Variants in SNCB observed in about 807,000 individuals in gnomAD.
The protein encoded by SNCB is synuclein beta.
In SNCB, 8 loss-of-function variants were observed where a neutral mutation model predicts 20.0. The ratio of observed to expected loss-of-function variants is 0.40; its 90% confidence interval spans 0.24 to 0.72. The LOEUF is 0.72. SNCB is among the 30% of genes least tolerant of loss of function. The pLI is 0.37. For synonymous variants in SNCB, 56 were observed against 65.4 expected (o/e 0.86, Z 0.69); for missense variants, 125 against 168.0 (o/e 0.74, Z 1.41).
chr5:176,628,214 G>A (rs76507535), intron 2 of SNCB, among the ~76,000 whole-genome samples: 2,367 of 152,272 alleles, frequency 0.016, 31 homozygotes, highest in Non-Finnish European at 0.023. Flanking sequence ...GGGAAGAGCA[G>A]CATGGCTTGG....
rs1311087589 is a variant in SNCB, at chr5:176,620,923, C to A, written c.373-80G>T. The A allele has an allele frequency of 1.6e-6, 2 of 1,235,564 alleles. No individual in the cohort carries two copies. The highest frequency in any genetic ancestry group is 2.4e-6 in the Non-Finnish European group (2 of 835,220). The allele number at this position is 1,235,564 out of a possible 1,614,324, so 76.5% of individuals were successfully genotyped here. On this transcript the variant is annotated intron_variant, in intron 5 of 5. Coordinates refer to ENST00000393693, the MANE Select transcript of SNCB (RefSeq NM_003085.5). The surrounding 1 kb of genome is among the most constrained non-coding windows in gnomAD (Gnocchi z 4.5). ...GAGACCAAGTGGCCAAGCCCCGGCC[C>A]AAGAACCCTCTCCCTGAAGGAGGAA...
intron 4 of SNCB, among the ~76,000 whole-genome samples, chr5:176,622,755 T>G (rs1213868917): frequency 2.4e-5 from 3 of 126,636 alleles, no homozygotes; most frequent in Admixed American, 7.8e-5. Flanking sequence ...TTTTTTTTTT[T>G]TGAGACAGTC....
In SNCB at chr5:176,626,989, C is replaced by T. The variant is rs1369677199; in HGVS notation, c.122-228G>A. Among the ~76,000 whole-genome samples the T allele has an allele frequency of 6.6e-6, 1 of 152,210 alleles. No individual in the cohort carries two copies. Among genetic ancestry groups the T allele is most frequent in the African/African-American group, 2.4e-5 (1 of 41,444 alleles). On this transcript the variant is annotated intron_variant, in intron 2 of 5. Transcript: ENST00000393693. The surrounding 1 kb of genome is among the most constrained non-coding windows in gnomAD (Gnocchi z 4.2). ...CTCTCCCACCTGATGCGATACCCCA[C>T]CCCTCTAGTGGATGTTGGCTGAGGG... is the stretch of plus-strand genomic sequence containing the variant.
At position 176,621,523 on chromosome 5, in the gene SNCB, G is replaced by C. The variant is rs924583150; in HGVS notation, c.283-220C>G. Among the ~76,000 whole-genome samples the C allele has an allele frequency of 6.6e-6, 1 of 152,196 alleles. No individual in the cohort carries two copies. Among genetic ancestry groups the C allele is most frequent in the Non-Finnish European group, 1.5e-5 (1 of 68,026 alleles). On this transcript the variant is annotated intron_variant, in intron 4 of 5. Coordinates refer to ENST00000393693, the MANE Select transcript of SNCB (RefSeq NM_003085.5). This position sits in a 1 kb window ranked among gnomAD's most constrained non-coding sequence, Gnocchi z 4.1. ...ACAGTTGAAGTGGCAGCATGGAGTG[G>C]GAGCTGGCTCTCCACGCCGCTCCCC...
At chr5:176,630,248 C>T (rs939924256) in intron 1 of SNCB, 32 bp downstream of exon 1, 1 of 152,334 alleles carries the variant, frequency 6.6e-6, no homozygotes, top group Non-Finnish European at 1.5e-5. Flanking sequence ...ATCCTCATCC[C>T]GTTCCCCATC....
chr5:176,629,496 C>G lies in SNCB; in HGVS notation c.121+38G>C. On this transcript the variant is annotated intron_variant, in intron 2 of 5. Transcript: ENST00000393693. This position sits in a 1 kb window ranked among gnomAD's most constrained non-coding sequence, Gnocchi z 4.1. ...CCAGCTCCACACTGTCGGGGGACCC[C>G]CAGCCCTGCAGCCCCAGAAACCCCG... 1.2e-6 allele frequency: 2 copies of G among 1,607,710 alleles called. No individual in the cohort carries two copies. Among genetic ancestry groups the G allele is most frequent in the South Asian group, 1.1e-5 (1 of 90,308 alleles).
At chr5:176,625,967 C>T (rs115699605) in intron 4 of SNCB, among the ~76,000 whole-genome samples, 3 of 152,162 alleles carry the variant, frequency 2.0e-5, no homozygotes, top group Non-Finnish European at 2.9e-5. Context: ...TGCTGGCTTG[C>T]GTTTTACTAT....
chr5:176,626,615 A>G lies in SNCB; in HGVS notation c.164-99T>C, dbSNP rs749698796. 67 of 1,522,532 alleles carry G rather than the reference A, an allele frequency of 4.4e-5. No homozygotes were observed. The highest frequency in any genetic ancestry group is 1.2e-4 in the Admixed American group (7 of 59,842). 94.3% of individuals were successfully genotyped at this position (1,522,532 alleles called of 1,614,324 possible). ...CCAGGGCCTGCCCTCCCCACGGAGCATTCCCGCAGAAGCCTTGGGAGTCTC... is the reference window on the plus strand; with the variant it reads ...CCAGGGCCTGCCCTCCCCACGGAGCGTTCCCGCAGAAGCCTTGGGAGTCTC... On this transcript the variant is annotated intron_variant, in intron 3 of 5. Transcript: ENST00000393693. The surrounding 1 kb of genome is among the most constrained non-coding windows in gnomAD (Gnocchi z 4.2).
intron 2 of SNCB, among the ~76,000 whole-genome samples, chr5:176,627,240 T>C (rs912142001): frequency 4.0e-5 from 6 of 151,268 alleles, no homozygotes; most frequent in Admixed American, 3.9e-4. Flanking sequence ...CAGGTGGGGG[T>C]GGGAGTAGGG....
At position 176,621,853 on chromosome 5, in the gene SNCB, TC is replaced by T. The variant is rs1376032315; in HGVS notation, c.283-551del. Among the ~76,000 whole-genome samples the T allele has an allele frequency of 2.6e-5, 4 of 151,960 alleles. No homozygotes were observed. Among genetic ancestry groups the T allele is most frequent in the East Asian group, 1.9e-4 (1 of 5,156 alleles). ...TGCTTGGATGTGTGAGCTAAGACTC[TC>T]CCCCCCACCCGCTGCGTCTGCTGCC... is the stretch of plus-strand genomic sequence containing the variant. On this transcript the variant is annotated intron_variant, in intron 4 of 5. Transcript: ENST00000393693. This position sits in a 1 kb window ranked among gnomAD's most constrained non-coding sequence, Gnocchi z 4.1.
chr5:176,630,122 C>A (rs2113425454), intron 1 of SNCB, 158 bp downstream of exon 1: 1 of 157,142 alleles, frequency 6.4e-6, no homozygotes, highest in South Asian at 1.9e-4. Flanking sequence ...CGGGCAGCTG[C>A]AAACACCGGA....
intron 4 of SNCB, among the ~76,000 whole-genome samples, chr5:176,622,224 C>G (rs2113378647): frequency 6.6e-6 from 1 of 152,346 alleles, no homozygotes; most frequent in Admixed American, 6.5e-5. Context: ...CTCATTTCCC[C>G]ACTGCACAGA....
chr5:176,623,935 C>G (rs575145784), intron 4 of SNCB, among the ~76,000 whole-genome samples: 4 of 152,164 alleles, frequency 2.6e-5, no homozygotes, highest in African/African-American at 9.7e-5. Context: ...GCATGGGAAA[C>G]GAGGCTGGTG....
chr5:176,621,361 A>C lies in SNCB; in HGVS notation c.283-58T>G. The C allele has an allele frequency of 4.5e-5, 62 of 1,390,966 alleles. No homozygotes were observed. The highest frequency in any genetic ancestry group is 5.8e-5 in the Non-Finnish European group (57 of 989,826). The allele number at this position is 1,390,966 out of a possible 1,614,324, so 86.2% of individuals were successfully genotyped here. A position where few individuals can be genotyped will look rare whatever the true frequency, so the allele number is the denominator to read the frequency against. ...CAGCCAGGATGCCCCCCAAATTCCCACAGTGGTAAGCTTTGGGTGGGTTGG... is the reference window on the plus strand; with the variant it reads ...CAGCCAGGATGCCCCCCAAATTCCCCCAGTGGTAAGCTTTGGGTGGGTTGG... On this transcript the variant is annotated intron_variant, in intron 4 of 5. Coordinates refer to ENST00000393693, the MANE Select transcript of SNCB (RefSeq NM_003085.5). This position sits in a 1 kb window ranked among gnomAD's most constrained non-coding sequence, Gnocchi z 4.1.
At chr5:176,622,489 C>CAACGA (rs1759661707) in intron 4 of SNCB, among the ~76,000 whole-genome samples, 1 of 149,466 alleles carries the variant, frequency 6.7e-6, no homozygotes, top group Admixed American at 6.7e-5. Flanking sequence ...GACTCCATCT[C>CAACGA]AACAAAACAA....
In SNCB at chr5:176,626,003, A is replaced by G. The variant is rs1319783778; in HGVS notation, c.282+395T>C. On this transcript the variant is annotated intron_variant, in intron 4 of 5. Coordinates refer to ENST00000393693, the MANE Select transcript of SNCB (RefSeq NM_003085.5). This position sits in a 1 kb window ranked among gnomAD's most constrained non-coding sequence, Gnocchi z 4.2. ...CTTCTCCCACTACAATGTCAGCTGC[A>G]GGAACGTAGGAACCTATTCACTGCG... 6.6e-6 allele frequency among the ~76,000 whole-genome samples: 1 copy of G among 152,224 alleles called. No homozygotes were observed. The highest frequency in any genetic ancestry group is 1.5e-5 in the Non-Finnish European group (1 of 68,036).
In SNCB at chr5:176,626,297, AG is replaced by A. The variant is rs1759936555; in HGVS notation, c.282+100del. 9 of 891,310 alleles carry A rather than the reference AG, an allele frequency of 1.0e-5. No individual in the cohort carries two copies. Among genetic ancestry groups the A allele is most frequent in the African/African-American group, 9.9e-5 (6 of 60,832 alleles). The allele number at this position is 891,310 out of a possible 1,614,324, so 55.2% of individuals were successfully genotyped here. A position where few individuals can be genotyped will look rare whatever the true frequency, so the allele number is the denominator to read the frequency against. ...TGTGTTCCAAGCTGGTGGCAGGATT[AG>A]GGGGGCGGGGATGGTGACAGGTTTA... On this transcript the variant is annotated intron_variant, in intron 4 of 5. Transcript: ENST00000393693. The surrounding 1 kb of genome is among the most constrained non-coding windows in gnomAD (Gnocchi z 4.2).
Position 176,629,925 on chromosome 5 carries a change from G to A in SNCB, c.-9-262C>T, listed in dbSNP as rs1760260787. 1 of 437,406 alleles carries A rather than the reference G, an allele frequency of 2.3e-6. No individual in the cohort carries two copies. The highest frequency in any genetic ancestry group is 2.0e-5 in the African/African-American group (1 of 50,110). 27.1% of individuals were successfully genotyped at this position (437,406 alleles called of 1,614,324 possible). A position where few individuals can be genotyped will look rare whatever the true frequency, so the allele number is the denominator to read the frequency against. On this transcript the variant is annotated intron_variant, in intron 1 of 5. Transcript: ENST00000393693. The surrounding 1 kb of genome is among the most constrained non-coding windows in gnomAD (Gnocchi z 4.1). ...GGGCCCTGCAAACTGCAGCCCCGTC[G>A]AACCGGAGTGCTGGGTTCGGCGCGA...
intron 4 of SNCB, among the ~76,000 whole-genome samples, chr5:176,624,195 C>G (rs914042869): frequency 6.6e-6 from 1 of 152,220 alleles, no homozygotes; most frequent in African/African-American, 2.4e-5. Context: ...ACAGGCTGAA[C>G]CTGCCTCTCT....
Sources: gnomAD v4.1 joint callset for allele counts (sites outside exome capture counted in the v4.1 genomes callset) on GRCh38, gnomAD v4.1.1 for gene constraint, Gnocchi (gnomAD v3.1) non-coding constraint, MANE v1.5 for transcripts, NCBI Gene and HGNC (gene_info 2026-07-23, HGNC 2026-07-21) for gene names.